ACSF3: variants seen among roughly 807,000 people sequenced by gnomAD.
The protein encoded by ACSF3 is malonate--CoA ligase ACSF3, mitochondrial.
Under a neutral mutation model 53.2 loss-of-function variants are expected in ACSF3, and 78 were observed. The ratio of observed to expected loss-of-function variants is 1.47; its 90% CI spans 1.22 to 1.77. The LOEUF (loss-of-function observed/expected upper bound fraction) is 1.77. Ranked by LOEUF, ACSF3 falls within the 40% of genes most tolerant of loss-of-function variation. ACSF3 has a pLI of 0.00. For synonymous variants in ACSF3, 414 were observed against 333.1 expected (o/e 1.24, Z -2.65); for missense variants, 937 against 771.1 (o/e 1.22, Z -2.55).
chr16:89,133,643 G>A (rs1244828933), intron 8 of ACSF3, among the ~76,000 whole-genome samples: 1 of 152,180 alleles, frequency 6.6e-6, no homozygotes, highest in African/African-American at 2.4e-5. Context: ...CTCCACCTCC[G>A]AGGTGTACCC....
rs1913097859 is a variant in ACSF3 at position 89,147,079 on chromosome 16, G to A, written c.1613+1030G>A. Reference sequence around the variant, plus strand: ...GAGGCCTCAGGAAACTTACAGTCATGGCAGAAGGCAAAGGGGAAACAGGCA... The same window carrying A: ...GAGGCCTCAGGAAACTTACAGTCATAGCAGAAGGCAAAGGGGAAACAGGCA... On this transcript the variant is annotated intron_variant, in intron 10 of 10. Coordinates refer to ENST00000614302, the MANE Select transcript of ACSF3 (RefSeq NM_001243279.3). Among the ~76,000 whole-genome samples, 4 of 151,550 alleles carry A rather than the reference G, an allele frequency of 2.6e-5. No individual in the cohort carries two copies. The South Asian group carries it at 8.4e-4, about 32-fold the overall frequency.
rs1270164483 is a variant in ACSF3 at position 89,096,614 on chromosome 16, C to T, written c.-193-1977C>T. On this transcript the variant is annotated intron_variant, in intron 1 of 10. Coordinates refer to ENST00000614302, the MANE Select transcript of ACSF3 (RefSeq NM_001243279.3). The stretch of plus-strand genomic sequence containing the variant: ...TTGGTGGGAGAATAAATCAGCACCT[C>T]GTTGGAGGGGACTTTGTCAGTATTT... 3.3e-5 allele frequency among the ~76,000 whole-genome samples: 5 copies of T among 152,262 alleles called. No individual in the cohort carries two copies. The Middle Eastern group carries it at 0.01, about 311-fold the overall frequency.
chr16:89,118,611 A>G (rs12443551), intron 6 of ACSF3, among the ~76,000 whole-genome samples: 114,230 of 152,150 alleles, frequency 0.75, 43,386 homozygotes, highest in Non-Finnish European at 0.8. Flanking sequence ...TTATGGTTAC[A>G]GGCCTGCTCC....
chr16:89,139,893 A>G lies in ACSF3; in HGVS notation c.1367-5374A>G, dbSNP rs182772026. ...CAGGCATGAGCCACCGCACCCAACC[A>G]TGACCCCCTCTTTTTAACGTACAGG... On this transcript the variant is annotated intron_variant, in intron 8 of 10. Coordinates refer to ENST00000614302, the MANE Select transcript of ACSF3 (RefSeq NM_001243279.3). 3.9e-3 allele frequency among the ~76,000 whole-genome samples: 594 copies of G among 152,030 alleles called. 1 individual carries two copies. The highest frequency in any genetic ancestry group is 0.01 in the Middle Eastern group (3 of 294).
intron 6 of ACSF3, among the ~76,000 whole-genome samples, chr16:89,115,582 A>G (rs1442539084): frequency 6.6e-6 from 1 of 152,220 alleles, no homozygotes; most frequent in Non-Finnish European, 1.5e-5. Flanking sequence ...AGATGTTATC[A>G]ACATTTGTGT....
intron 10 of ACSF3, 138 bp from the exon 11 acceptor site, chr16:89,153,952 T>G (rs1224983896): frequency 1.3e-5 from 11 of 839,636 alleles, no homozygotes. Context: ...CCGGTGCACC[T>G]GCCTGGCCTC....
chr16:89,132,953 G>A (rs1444917111), intron 7 of ACSF3, among the ~76,000 whole-genome samples, 183 bp from the exon 8 acceptor site: 1 of 152,258 alleles, frequency 6.6e-6, no homozygotes, highest in African/African-American at 2.4e-5. Flanking sequence ...GCTTAGCTCA[G>A]CATGGTTGGC....
intron 8 of ACSF3, among the ~76,000 whole-genome samples, chr16:89,142,124 C>T (rs1911883857): frequency 6.6e-6 from 1 of 152,160 alleles, no homozygotes; most frequent in Non-Finnish European, 1.5e-5. Flanking sequence ...ACCGTGCGTG[C>T]AGCACAGCAG....
chr16:89,128,536 A>C (rs1472345130), intron 7 of ACSF3, among the ~76,000 whole-genome samples: 1 of 152,220 alleles, frequency 6.6e-6, no homozygotes, highest in Non-Finnish European at 1.5e-5. Context: ...CTGAGATTAC[A>C]GGCATGAGCC....
At chr16:89,118,892 A>G (rs1392880500) in intron 6 of ACSF3, among the ~76,000 whole-genome samples, 2 of 152,244 alleles carry the variant, frequency 1.3e-5, no homozygotes, top group Non-Finnish European at 2.9e-5. Flanking sequence ...CTGCGCTCCC[A>G]TCTACATTGG....
At chr16:89,138,914 T>C (rs1911158915) in intron 8 of ACSF3, among the ~76,000 whole-genome samples, 1 of 152,218 alleles carries the variant, frequency 6.6e-6, no homozygotes, top group African/African-American at 2.4e-5. Context: ...AACACCCAAG[T>C]AGTTGTAGCA....
intron 7 of ACSF3, among the ~76,000 whole-genome samples, chr16:89,125,287 G>A (rs1252818649): frequency 1.3e-5 from 2 of 150,524 alleles, no homozygotes; most frequent in African/African-American, 4.9e-5. Flanking sequence ...AGTTTGCACT[G>A]AGCCGAGATC....
intron 6 of ACSF3, among the ~76,000 whole-genome samples, chr16:89,120,162 C>G (rs111694203): frequency 3.2e-4 from 49 of 152,378 alleles, no homozygotes; most frequent in African/African-American, 9.4e-4. Flanking sequence ...GCTCTGCCCC[C>G]ACCCCGGCCA....
At chr16:89,146,552 C>A (rs927267819) in intron 10 of ACSF3, among the ~76,000 whole-genome samples, 1 of 152,230 alleles carries the variant, frequency 6.6e-6, no homozygotes, top group African/African-American at 2.4e-5. Context: ...TCTCCCTCTC[C>A]TGCCCTGGGG....
chr16:89,106,581 T>C (rs899598006), intron 4 of ACSF3, among the ~76,000 whole-genome samples: 5 of 152,244 alleles, frequency 3.3e-5, no homozygotes, highest in African/African-American at 1.2e-4. Flanking sequence ...CGTAAGCCAC[T>C]ATGCCCAGCT....
At chr16:89,146,783 C>G (rs1913046674) in intron 10 of ACSF3, among the ~76,000 whole-genome samples, 1 of 152,192 alleles carries the variant, frequency 6.6e-6, no homozygotes, top group South Asian at 2.1e-4. Context: ...TGTCTCACCC[C>G]CAGTGGTTTC....
intron 2 of ACSF3, among the ~76,000 whole-genome samples, chr16:89,099,288 G>T (rs550975103): frequency 6.6e-6 from 1 of 152,346 alleles, no homozygotes; most frequent in African/African-American, 2.4e-5. Context: ...GCCCACAGGC[G>T]GAGGCACCCT....
chr16:89,121,648 T>C (rs919099967), intron 7 of ACSF3, among the ~76,000 whole-genome samples: 2 of 152,212 alleles, frequency 1.3e-5, no homozygotes, highest in Admixed American at 1.3e-4. Flanking sequence ...TTGACTGTGT[T>C]GCCCTGAGGT....
At chr16:89,142,461 C>T (rs1445471656) in intron 8 of ACSF3, among the ~76,000 whole-genome samples, 2 of 152,078 alleles carry the variant, frequency 1.3e-5, no homozygotes, top group African/African-American at 4.8e-5. Context: ...GGGATACACA[C>T]CCACACCTGC....
Sources: gnomAD v4.1 joint callset for allele counts (sites outside exome capture counted in the v4.1 genomes callset) on GRCh38, gnomAD v4.1.1 for gene constraint, MANE v1.5 for transcripts, NCBI Gene and HGNC (gene_info 2026-07-23, HGNC 2026-07-21) for gene names.